Variants in SNAPC3 observed in about 807,000 individuals in gnomAD.
SNAPC3 encodes the protein snRNA-activating protein complex subunit 3.
Under a neutral mutation model 47.7 loss-of-function variants are expected in SNAPC3, and 56 were observed. That is an observed-to-expected ratio of 1.18 (90% CI 0.95 to 1.47). The LOEUF (loss-of-function observed/expected upper bound fraction) is 1.47. Among genes scored for constraint, SNAPC3 ranks in the 40% most tolerant of loss-of-function variants. SNAPC3 has a pLI of 0.00. For missense variants in SNAPC3, 665 were observed against 511.3 expected (o/e 1.30, Z -2.90); for synonymous variants, 235 against 189.9 (o/e 1.24, Z -1.95).
chr9:15,428,111 C>CAAA (rs34074367), intron 2 of SNAPC3, among the ~76,000 whole-genome samples: 124 of 72,962 alleles, frequency 1.7e-3, no homozygotes, highest in African/African-American at 6.0e-3. Flanking sequence ...ACTCTGTCTC[C>CAAA]AAAAAAAAAA....
chr9:15,459,852 G>C lies in SNAPC3; in HGVS notation c.1222G>C (p.Gly408Arg). The C allele has an allele frequency of 6.2e-7, 1 of 1,612,196 alleles. No homozygotes were observed. The highest frequency in any genetic ancestry group is 1.7e-5 in the Admixed American group (1 of 59,806). The change falls in exon 9 of 9, where the codon GGA (glycine) becomes CGA (arginine). Residue 408 changes from glycine to arginine, a missense_variant. Physicochemically the swap from Gly to Arg is moderately radical, Grantham distance 125. Coordinates refer to ENST00000380821, the MANE Select transcript of SNAPC3 (RefSeq NM_001039697.2). Reference sequence around the variant, plus strand: ...CCTTGCTTATCCTTATGTTGATCCTGGAACCTTTAATTAAGAATAGCTACA... The same window carrying C: ...CCTTGCTTATCCTTATGTTGATCCTCGAACCTTTAATTAAGAATAGCTACA... ...EFLAYPYVDPGTFN is the reference protein window; with the variant it reads ...EFLAYPYVDPRTFN
chr9:15,423,130 C>A lies in SNAPC3; in HGVS notation c.251C>A (p.Ala84Asp). The A allele has an allele frequency of 6.4e-7, 1 of 1,555,524 alleles. No homozygotes were observed. ...SQAADSDRED[A>D]AVARDLDCSL... ...GCAGCTGACTCCGACCGGGAGGATG[C>A]CGCGGTGGCCAGGGATCTGGACTGC... Residue 84 changes from alanine (A) to aspartate (D), a missense_variant, in exon 1 of 9, where the codon GCC (alanine) becomes GAC (aspartate). Transcript: ENST00000380821.
rs766618214 is a variant in SNAPC3, at chr9:15,423,926, G to C, written c.332G>C (p.Cys111Ser). The change falls in exon 2 of 9, where the codon TGC (cysteine) becomes TCC (serine). Residue 111 changes from cysteine to serine, a missense_variant. Transcript: ENST00000380821. Reference sequence around the variant, plus strand: ...TGTTTTAGCCTTGATAAACTGAAATGCCTTGAGGACGGTGAGGATCCAGAA... The same window carrying C: ...TGTTTTAGCCTTGATAAACTGAAATCCCTTGAGGACGGTGAGGATCCAGAA... ...RAVCGLDKLK[C>S]LEDGEDPEVI... 1.9e-6 allele frequency: 3 copies of C among 1,579,056 alleles called. No homozygotes were observed. Among genetic ancestry groups the C allele is most frequent in the East Asian group, 2.4e-5 (1 of 42,350 alleles).
chr9:15,449,464 A>C (rs1260113108), intron 5 of SNAPC3, among the ~76,000 whole-genome samples: 3 of 150,008 alleles, frequency 2.0e-5, no homozygotes, highest in Non-Finnish European at 4.4e-5. Context: ...GCAGGGATTA[A>C]ATAACCCATA....
chr9:15,441,576 G>C (rs1563846189), intron 3 of SNAPC3, among the ~76,000 whole-genome samples: 1 of 151,568 alleles, frequency 6.6e-6, no homozygotes, highest in Non-Finnish European at 1.5e-5. Flanking sequence ...GGGTACTTGA[G>C]ATTAGGGAGT....
chr9:15,426,291 T>C (rs2031387975), intron 2 of SNAPC3, among the ~76,000 whole-genome samples: 1 of 152,228 alleles, frequency 6.6e-6, no homozygotes, highest in African/African-American at 2.4e-5. Context: ...CTGACCTTGT[T>C]GACTTCTACT....
At chr9:15,451,826 GC>G (rs1471364441) in intron 6 of SNAPC3, among the ~76,000 whole-genome samples, 4 of 152,064 alleles carry the variant, frequency 2.6e-5, no homozygotes, top group African/African-American at 9.7e-5. Flanking sequence ...ACTATTGTTT[GC>G]CCTAGGTGAT....
intron 3 of SNAPC3, among the ~76,000 whole-genome samples, chr9:15,434,138 G>A (rs2032510902): frequency 6.6e-6 from 1 of 152,060 alleles, no homozygotes; most frequent in African/African-American, 2.4e-5. Flanking sequence ...TTTTATTGTG[G>A]TAAAATTTAC....
At chr9:15,443,532 C>T (rs2033682188) in intron 3 of SNAPC3, among the ~76,000 whole-genome samples, 1 of 152,130 alleles carries the variant, frequency 6.6e-6, no homozygotes, top group Non-Finnish European at 1.5e-5. Flanking sequence ...GTTTCATTCT[C>T]TCTGCGGTCA....
intron 3 of SNAPC3, among the ~76,000 whole-genome samples, chr9:15,443,164 A>G (rs1046386260): frequency 6.6e-6 from 1 of 152,082 alleles, no homozygotes; most frequent in Non-Finnish European, 1.5e-5. Context: ...GACTGTGGAG[A>G]GAGAGGGAGA....
At chr9:15,457,715 A>G (rs1157632366) in intron 7 of SNAPC3, among the ~76,000 whole-genome samples, 3 of 152,214 alleles carry the variant, frequency 2.0e-5, no homozygotes, top group Non-Finnish European at 4.4e-5. Context: ...GTACATTACC[A>G]TAAAGGGATT....
rs753204253 is a variant in SNAPC3 at position 15,433,565 on chromosome 9, T to G, written c.406T>G (p.Phe136Val). The change falls in exon 3 of 9, where the codon TTC (phenylalanine) becomes GTC (valine). Residue 136 changes from phenylalanine to valine, a missense_variant. By Grantham distance (50) the Phe-to-Val change is conservative. Coordinates refer to ENST00000380821, the MANE Select transcript of SNAPC3 (RefSeq NM_001039697.2). ...CATCTACAACAGGGTTAGAAAAAGG[T>G]TCTTGGAACATCGGGAAGAAACCAT... ...DLVTLGVRKRFLEHREETITI... is the reference protein window; with the variant it reads ...DLVTLGVRKRVLEHREETITI... The G allele has an allele frequency of 1.2e-6, 2 of 1,603,302 alleles. No homozygotes were observed. Among genetic ancestry groups the G allele is most frequent in the South Asian group, 1.1e-5 (1 of 90,048 alleles).
chr9:15,459,671 A>T, intron 8 of SNAPC3, 48 bp from the exon 9 acceptor site: 3 of 1,526,192 alleles, frequency 2.0e-6, no homozygotes, highest in East Asian at 2.3e-5. Context: ...CATGTTAAGT[A>T]TGGCAAATTT....
chr9:15,441,823 T>G (rs1159569028), intron 3 of SNAPC3, among the ~76,000 whole-genome samples: 1 of 151,948 alleles, frequency 6.6e-6, no homozygotes, highest in African/African-American at 2.4e-5. Flanking sequence ...ACAATCTGAT[T>G]TCTCTATCTT....
intron 2 of SNAPC3, among the ~76,000 whole-genome samples, chr9:15,425,133 T>C (rs1278949715): frequency 6.6e-6 from 1 of 152,234 alleles, no homozygotes; most frequent in Non-Finnish European, 1.5e-5. Flanking sequence ...CTTTCCAGAT[T>C]TATTTTCAAC....
At chr9:15,462,741 G>T (rs972104985), downstream of SNAPC3, 1 of 152,164 alleles carries the variant, frequency 6.6e-6, no homozygotes, top group African/African-American at 2.4e-5. Flanking sequence ...CTAGGAGAAA[G>T]GTCAGTCATC....
rs564011526 is a variant in SNAPC3, at chr9:15,458,681, C to G, written c.1088+614C>G. Among the ~76,000 whole-genome samples the G allele has an allele frequency of 3.8e-4, 57 of 151,964 alleles. 1 individual carries two copies. In the South Asian group the frequency reaches 0.012, roughly 32 times the overall value. On this transcript the variant is annotated intron_variant, in intron 8 of 8. Transcript: ENST00000380821. ...GGGTCAGTAAAAAAAAAATTTGTTGCTTTTGGAGGCTGAGGTGGGAGGATC... is the reference window on the plus strand; with the variant it reads ...GGGTCAGTAAAAAAAAAATTTGTTGGTTTTGGAGGCTGAGGTGGGAGGATC...
intron 2 of SNAPC3, among the ~76,000 whole-genome samples, chr9:15,424,399 A>G (rs141725336): frequency 4.1e-3 from 623 of 152,308 alleles, no homozygotes; most frequent in African/African-American, 0.013. Context: ...CTGGGGGGCA[A>G]CCTAAATACT....
At chr9:15,425,001 T>C (rs1488290181) in intron 2 of SNAPC3, among the ~76,000 whole-genome samples, 3 of 152,216 alleles carry the variant, frequency 2.0e-5, no homozygotes, top group Non-Finnish European at 2.9e-5. Flanking sequence ...TTATCCATCA[T>C]GCTGTCGCCT....
Sources: gnomAD v4.1 joint callset for allele counts (sites outside exome capture counted in the v4.1 genomes callset) on GRCh38, gnomAD v4.1.1 for gene constraint, MANE v1.5 for transcripts, NCBI Gene and HGNC (gene_info 2026-07-23, HGNC 2026-07-21) for gene names.